The following HMCN1 variants were observed in gnomAD, a reference collection of about 807,000 sequenced individuals.
HMCN1 encodes hemicentin 1.
HMCN1 carries 321 observed loss-of-function variants against 625.9 expected under a neutral mutation model. That is an observed-to-expected ratio of 0.51 (90% confidence interval 0.47 to 0.56). The LOEUF (loss-of-function observed/expected upper bound fraction) is 0.56. Ranked by LOEUF, HMCN1 falls within the 20% of genes least tolerant of loss-of-function variation. The pLI is 0.00. For synonymous variants in HMCN1, 2,425 were observed against 2,417.6 expected (o/e 1.00, Z -0.09); for missense variants, 6,588 against 6,887.3 (o/e 0.96, Z 1.54).
intron 97 of HMCN1, among the ~76,000 whole-genome samples, chr1:186,158,539 G>A (rs1462972939): frequency 1.3e-5 from 2 of 152,164 alleles, no homozygotes; most frequent in Admixed American, 1.3e-4. Flanking sequence ...GTAATGCCTA[G>A]GTTTTCTTCT....
Position 186,178,475 on chromosome 1 carries a change from G to T in HMCN1, c.16003G>T (p.Gly5335Cys), listed in dbSNP as rs775664458. The T allele has an allele frequency of 6.2e-7, 1 of 1,613,890 alleles. No individual in the cohort carries two copies. ...TGCACATCAGTGCTCCAACACCCCC[G>T]GCAGCTTCAAGTGTATCTGTCCACC... ...PCAHQCSNTP[G>C]SFKCICPPGQ... is the part of the protein sequence containing the mutation. The change falls in exon 104 of 107, where the codon GGC (glycine) becomes TGC (cysteine). Residue 5335 changes from glycine (G) to cysteine (C), a missense_variant. By Grantham distance (159) the Gly-to-Cys change is radical (BLOSUM62 -3). Transcript: ENST00000271588.
chr1:185,796,825 T>G (rs1658418577), intron 1 of HMCN1, among the ~76,000 whole-genome samples: 1 of 152,220 alleles, frequency 6.6e-6, no homozygotes, highest in East Asian at 1.9e-4. Context: ...GATACCCTTT[T>G]GATATAATGA....
chr1:186,133,686 A>G lies in HMCN1; in HGVS notation c.13312+1277A>G, dbSNP rs75430626. ...TTGCCAAACTATATAATTCTGTAAGACTCGAATAGATGGATAGACATTTAA... is the reference window on the plus strand; with the variant it reads ...TTGCCAAACTATATAATTCTGTAAGGCTCGAATAGATGGATAGACATTTAA... On this transcript the variant is annotated intron_variant, in intron 86 of 106. Coordinates refer to ENST00000271588, the MANE Select transcript of HMCN1 (RefSeq NM_031935.3). 9.1e-3 allele frequency among the ~76,000 whole-genome samples: 1,383 copies of G among 152,218 alleles called. 13 individuals carry two copies. Among genetic ancestry groups the G allele is most frequent in the South Asian group, 0.028 (134 of 4,820 alleles).
chr1:186,007,613 A>G (rs1047008925), intron 30 of HMCN1, among the ~76,000 whole-genome samples: 12 of 152,186 alleles, frequency 7.9e-5, no homozygotes, highest in African/African-American at 1.7e-4. Flanking sequence ...TTTAAAAATT[A>G]TAGAGATTTA....
chr1:186,127,939 T>C (rs977986316), intron 82 of HMCN1, 139 bp from the exon 83 acceptor site: 3 of 736,954 alleles, frequency 4.1e-6, no homozygotes, highest in Non-Finnish European at 4.7e-6. Context: ...GCTAACCTGA[T>C]GGTTAAGACT....
At chr1:185,806,496 G>C (rs1367035802) in intron 1 of HMCN1, among the ~76,000 whole-genome samples, 1 of 144,640 alleles carries the variant, frequency 6.9e-6, no homozygotes, top group African/African-American at 2.6e-5. Context: ...TCAGTGAGTT[G>C]TGATCATGCC....
intron 24 of HMCN1, among the ~76,000 whole-genome samples, chr1:185,997,205 G>A (rs1461551601): frequency 6.6e-6 from 1 of 152,076 alleles, no homozygotes; most frequent in Non-Finnish European, 1.5e-5. Flanking sequence ...GAACAGAACA[G>A]GATTGTGGGA....
intron 86 of HMCN1, among the ~76,000 whole-genome samples, chr1:186,136,341 T>C (rs1436270489): frequency 2.0e-5 from 3 of 152,170 alleles, no homozygotes; most frequent in Non-Finnish European, 4.4e-5. Context: ...CTAACAGGAA[T>C]CCTCTGAAGT....
intron 100 of HMCN1, among the ~76,000 whole-genome samples, chr1:186,170,169 C>T (rs566708551): frequency 6.6e-6 from 1 of 152,068 alleles, no homozygotes; most frequent in African/African-American, 2.4e-5. Context: ...CAGGAAACAA[C>T]AAGATGCTGG....
Position 186,019,589 on chromosome 1 carries a change from A to G in HMCN1, c.5519A>G (p.Lys1840Arg), listed in dbSNP as rs1654584320. ...GGCCTTTCTGAGAGAGTTGTGGTAA[A>G]ATACAAGCCTGTCGCCTTGCAGTGC... Reference protein sequence around the residue: ...SSGLSERVVVKYKPVALQCIA... With the variant: ...SSGLSERVVVRYKPVALQCIA... Residue 1840 changes from lysine (K) to arginine (R), a missense_variant, in exon 35 of 107, where the codon AAA (lysine) becomes AGA (arginine). Around this residue, in one of 3 missense-constraint regions of HMCN1, gnomAD observed 4,628 missense variants for 4,853.1 expected, o/e 0.95. Coordinates refer to ENST00000271588, the MANE Select transcript of HMCN1 (RefSeq NM_031935.3). 6.2e-7 allele frequency: 1 copy of G among 1,610,968 alleles called. No individual in the cohort carries two copies. The highest frequency in any genetic ancestry group is 1.7e-5 in the Admixed American group (1 of 59,892).
At chr1:185,897,904 TAA>T (rs1274017145) in intron 4 of HMCN1, among the ~76,000 whole-genome samples, 1 of 152,224 alleles carries the variant, frequency 6.6e-6, no homozygotes, top group African/African-American at 2.4e-5. Context: ...TTATGCATGT[TAA>T]AGATTGCAGG....
chr1:185,966,518 C>G (rs1342960181), intron 14 of HMCN1, among the ~76,000 whole-genome samples: 2 of 152,016 alleles, frequency 1.3e-5, no homozygotes, highest in Non-Finnish European at 2.9e-5. Context: ...GTGAGATACA[C>G]TTGGATTCTG....
chr1:186,038,210 TTAAC>T (rs1472900523), intron 37 of HMCN1, among the ~76,000 whole-genome samples, 175 bp downstream of exon 37: 7 of 152,194 alleles, frequency 4.6e-5, no homozygotes, highest in African/African-American at 1.2e-4. Flanking sequence ...TTTGTTGCCT[TTAAC>T]TAACTGCATG....
chr1:185,745,095 G>A (rs1186836690), intron 1 of HMCN1, among the ~76,000 whole-genome samples: 1 of 152,154 alleles, frequency 6.6e-6, no homozygotes, highest in Non-Finnish European at 1.5e-5. Context: ...TTTGAAATTA[G>A]CATAGGATGG....
At chr1:186,039,071 A>G in intron 38 of HMCN1, 66 bp downstream of exon 38, 4 of 1,085,510 alleles carry the variant, frequency 3.7e-6, no homozygotes, top group East Asian at 2.4e-5. Context: ...AAGTGCTTCT[A>G]TAAAATTCTT....
At chr1:186,134,714 T>C (rs1253743164) in intron 86 of HMCN1, among the ~76,000 whole-genome samples, 2 of 152,178 alleles carry the variant, frequency 1.3e-5, no homozygotes, top group African/African-American at 4.8e-5. Flanking sequence ...TTGTATTCTA[T>C]TTATTCTAGA....
chr1:185,863,091 G>A (rs886813741), intron 2 of HMCN1, among the ~76,000 whole-genome samples: 24 of 152,186 alleles, frequency 1.6e-4, no homozygotes, highest in Non-Finnish European at 5.9e-5. Flanking sequence ...GGAGCCTGCT[G>A]AAAGACCCAA....
intron 11 of HMCN1, among the ~76,000 whole-genome samples, chr1:185,939,097 A>G (rs185295123): frequency 4.5e-4 from 68 of 152,310 alleles, no homozygotes; most frequent in African/African-American, 1.6e-3. Context: ...AGGAAAAACA[A>G]AAAAATCAAA....
Position 186,156,704 on chromosome 1 carries a change from C to A in HMCN1, c.15256+2717C>A, listed in dbSNP as rs115890876. 7.4e-3 allele frequency among the ~76,000 whole-genome samples: 1,126 copies of A among 152,216 alleles called. 17 individuals carry two copies. The highest frequency in any genetic ancestry group is 0.024 in the African/African-American group (1,012 of 41,526). On this transcript the variant is annotated intron_variant, in intron 97 of 106. Coordinates refer to ENST00000271588, the MANE Select transcript of HMCN1 (RefSeq NM_031935.3). ...ATGAATGCTTAGGAAGTTTTATCCA[C>A]TGTTATTTATAATAGAAAAATATTA...
Sources: gnomAD v4.1 joint callset for allele counts (sites outside exome capture counted in the v4.1 genomes callset) on GRCh38, gnomAD v4.1.1 for gene constraint, gnomAD v4.1.1 regional missense constraint, MANE v1.5 for transcripts, NCBI Gene and HGNC (gene_info 2026-07-23, HGNC 2026-07-21) for gene names.